The following SIN3A variants were observed in gnomAD, a reference collection of about 807,000 sequenced individuals.
SIN3A encodes the protein paired amphipathic helix protein Sin3a.
Under a neutral mutation model 146.1 loss-of-function variants are expected in SIN3A, and 14 were observed. The ratio of observed to expected loss-of-function variants is 0.10; its 90% CI spans 0.06 to 0.15. The LOEUF is 0.15. Ranked by LOEUF, SIN3A falls within the 10% of genes least tolerant of loss-of-function variation. SIN3A has a pLI of 1.00. For synonymous variants in SIN3A, 572 were observed against 572.0 expected, an observed-to-expected ratio of 1.00 and a Z score of 0.00; for missense variants, 1,028 against 1,576.0, an observed-to-expected ratio of 0.65 and a Z score of 5.89.
At chr15:75,403,194 G>A (rs902157327) in intron 9 of SIN3A, among the ~76,000 whole-genome samples, 17 of 151,778 alleles carry the variant, frequency 1.1e-4, no homozygotes, top group African/African-American at 4.1e-4. Flanking sequence ...AGGCCGAGGT[G>A]GGTGGATCAC....
At chr15:75,387,311 G>T (rs529700111) in intron 16 of SIN3A, among the ~76,000 whole-genome samples, 2 of 152,130 alleles carry the variant, frequency 1.3e-5, no homozygotes, top group East Asian at 3.9e-4. Flanking sequence ...AATTGCTTGA[G>T]CCCATAAGTT....
At chr15:75,399,747 A>G (rs981129174) in intron 12 of SIN3A, among the ~76,000 whole-genome samples, 1 of 152,242 alleles carries the variant, frequency 6.6e-6, no homozygotes, top group Non-Finnish European at 1.5e-5. Context: ...CATGCAAAAC[A>G]TAATAATCTT....
chr15:75,409,081 G>A (rs1039360252), intron 8 of SIN3A, among the ~76,000 whole-genome samples: 2 of 152,118 alleles, frequency 1.3e-5, no homozygotes, highest in Non-Finnish European at 2.9e-5. Flanking sequence ...GCACACGCCT[G>A]TAGTCCCAGT....
At chr15:75,442,725 T>C (rs1409528333) in intron 1 of SIN3A, among the ~76,000 whole-genome samples, 1 of 148,186 alleles carries the variant, frequency 6.7e-6, no homozygotes, top group Non-Finnish European at 1.5e-5. Context: ...AGGTTGGGAG[T>C]TCAAGACCAG....
intron 2 of SIN3A, 180 bp downstream of exon 2, chr15:75,430,006 AG>A (rs1300976457): frequency 6.9e-6 from 4 of 582,164 alleles, no homozygotes; most frequent in South Asian, 2.1e-5. Flanking sequence ...GGAACTTCAA[AG>A]GTCATGACAA....
At chr15:75,453,552 A>G (rs749382412), upstream of SIN3A, 5 of 152,482 alleles carry the variant, frequency 3.3e-5, no homozygotes, top group Non-Finnish European at 5.9e-5. Flanking sequence ...CTTCCCGTGA[A>G]CACAGGGTAC....
chr15:75,395,701 C>T (rs964657799), intron 13 of SIN3A, among the ~76,000 whole-genome samples: 1 of 151,900 alleles, frequency 6.6e-6, no homozygotes, highest in Admixed American at 6.6e-5. Flanking sequence ...GAGTTAGAGG[C>T]CAGCCTGGGA....
chr15:75,389,907 A>C (rs2073166160), intron 15 of SIN3A, 86 bp from the exon 16 acceptor site: 2 of 1,336,190 alleles, frequency 1.5e-6, no homozygotes, highest in East Asian at 4.6e-5. Context: ...CAGCTGGCCT[A>C]AATGGCATTT....
intron 12 of SIN3A, among the ~76,000 whole-genome samples, chr15:75,399,169 G>GGGCAATAGAGTGGCAC (rs1346925201): frequency 6.6e-6 from 1 of 151,972 alleles, no homozygotes; most frequent in African/African-American, 2.4e-5. Context: ...GCAATGAACT[G>GGGCAATAGAGTGGCAC]TGATTGTGCC....
Position 75,394,039 on chromosome 15 carries a change from C to A in SIN3A, c.2277+641G>T, listed in dbSNP as rs909740157. On this transcript the variant is annotated intron_variant, in intron 14 of 20. Transcript: ENST00000394947. ...GCTGGGCTGGTCTCTAACTCCTGAC[C>A]TCAGGTGATCTGCCCGCCTCAGCCT... Among the ~76,000 whole-genome samples the A allele has an allele frequency of 3.9e-5, 6 of 152,162 alleles. No homozygotes were observed. In the East Asian group the frequency reaches 1.2e-3, roughly 29 times the overall value.
chr15:75,397,156 T>C (rs1369326899), intron 12 of SIN3A, among the ~76,000 whole-genome samples: 1 of 152,176 alleles, frequency 6.6e-6, no homozygotes, highest in Non-Finnish European at 1.5e-5. Flanking sequence ...TTTCCCTAGC[T>C]TAAAATAAGG....
chr15:75,383,744 C>T (rs1488017003), intron 17 of SIN3A, among the ~76,000 whole-genome samples: 1 of 152,078 alleles, frequency 6.6e-6, no homozygotes, highest in East Asian at 1.9e-4. Flanking sequence ...ACCTCATTCT[C>T]CTGAGTAGCT....
intron 3 of SIN3A, chr15:75,421,789 G>A (rs796279596): frequency 2.0e-5 from 3 of 152,258 alleles, no homozygotes; most frequent in African/African-American, 7.2e-5. Flanking sequence ...AACACTTGCT[G>A]CAACAATCAC....
chr15:75,401,935 T>G lies in SIN3A; in HGVS notation c.1443A>C (p.Glu481Asp). Residue 481 changes from glutamate (E) to aspartate (D), a missense_variant, in exon 10 of 21, where the codon GAA becomes GAC. Glu to Asp is a conservative substitution (Grantham distance 45, BLOSUM62 2). Transcript: ENST00000394947. ...AAATAACAAGACAGCGTAGGAAATT[T>G]TCGTAGGCTTCTGCACTCCGAAGAG... ...RKALRSAEAY[E>D]NFLRCLVIFN... The G allele has an allele frequency of 6.2e-7, 1 of 1,613,886 alleles. No individual in the cohort carries two copies. Among genetic ancestry groups the G allele is most frequent in the Admixed American group, 1.7e-5 (1 of 60,010 alleles).
At position 75,370,522 on chromosome 15, in the gene SIN3A, T is replaced by G. The variant is rs961239930; in HGVS notation, c.*1457A>C. 1 of 152,146 alleles carries G rather than the reference T, an allele frequency of 6.6e-6. No homozygotes were observed. The highest frequency in any genetic ancestry group is 2.1e-4 in the South Asian group (1 of 4,826). 9.4% of individuals were successfully genotyped at this position (152,146 alleles called of 1,614,324 possible). A position where few individuals can be genotyped will look rare whatever the true frequency, so the allele number is the denominator to read the frequency against. On this transcript the variant is annotated 3_prime_UTR_variant, in exon 21 of 21. Transcript: ENST00000394947. ...TGTTTAAATGTCTGCTAGTTTAAAT[T>G]TATGTAATTAAAAAAATAGGTATCC...
intron 2 of SIN3A, among the ~76,000 whole-genome samples, chr15:75,428,344 T>C (rs151329738): frequency 2.3e-3 from 357 of 152,300 alleles, no homozygotes; most frequent in Middle Eastern, 0.01. Context: ...GACAGGGTCT[T>C]GCACTGTTGT....
At position 75,392,537 on chromosome 15, in the gene SIN3A, C is replaced by T; in HGVS notation, c.2556G>A (p.Lys852=). Residue 852 remains lysine (K), a synonymous_variant, in exon 15 of 21, where the codon AAG becomes AAA. Transcript: ENST00000394947. ...GACTGCCCCCAACACCATTGTGCTT[C>T]TTAACTGCCCCTGTGGCTTCATCTA... ...MDVDEATGAV[K]KHNGVGGSPP... The T allele has an allele frequency of 6.2e-7, 1 of 1,614,144 alleles. No individual in the cohort carries two copies. The highest frequency in any genetic ancestry group is 2.2e-5 in the East Asian group (1 of 44,892).
intron 1 of SIN3A, among the ~76,000 whole-genome samples, chr15:75,450,526 G>A (rs1425234464): frequency 6.6e-6 from 1 of 152,154 alleles, no homozygotes; most frequent in Non-Finnish European, 1.5e-5. Context: ...AGCCACGCAC[G>A]CTCCTACAAG....
At chr15:75,445,212 C>T (rs1360961595) in intron 1 of SIN3A, among the ~76,000 whole-genome samples, 1 of 149,910 alleles carries the variant, frequency 6.7e-6, no homozygotes, top group African/African-American at 2.5e-5. Flanking sequence ...AAAACCCTGT[C>T]TCTACTAAAA....
Sources: gnomAD v4.1 joint callset for allele counts (sites outside exome capture counted in the v4.1 genomes callset) on GRCh38, gnomAD v4.1.1 for gene constraint, MANE v1.5 for transcripts, NCBI Gene and HGNC (gene_info 2026-07-23, HGNC 2026-07-21) for gene names.